The following PLEKHA1 variants were observed in gnomAD, a reference collection of about 807,000 sequenced individuals.
PLEKHA1 encodes pleckstrin homology domain containing A1.
PLEKHA1 carries 34 observed loss-of-function variants against 52.0 expected under a neutral mutation model. That is an observed-to-expected ratio of 0.65 (90% CI 0.50 to 0.87). PLEKHA1 has a LOEUF of 0.87. PLEKHA1 is among the 40% of genes least tolerant of loss of function. The pLI is 0.00. For missense variants in PLEKHA1, 497 were observed against 504.2 expected (o/e 0.99, Z 0.14); for synonymous variants, 163 against 170.7 (o/e 0.95, Z 0.35).
In PLEKHA1 at chr10:122,424,497, C is replaced by G. The variant is rs138445331; in HGVS notation, c.746+234C>G. 3.7e-3 allele frequency among the ~76,000 whole-genome samples: 563 copies of G among 152,066 alleles called. 4 individuals are homozygous for G. Among genetic ancestry groups the G allele is most frequent in the African/African-American group, 0.013 (520 of 41,506 alleles). On this transcript the variant is annotated intron_variant, in intron 9 of 11. Transcript: ENST00000368990. ...AATCGTTTATTTGTTTCTTTGAAAACTAAAAATACAGAAACAGCTTACTAA... is the reference window on the plus strand; with the variant it reads ...AATCGTTTATTTGTTTCTTTGAAAAGTAAAAATACAGAAACAGCTTACTAA...
intron 1 of PLEKHA1, among the ~76,000 whole-genome samples, chr10:122,388,671 A>G (rs984482277): frequency 6.6e-6 from 1 of 152,230 alleles, no homozygotes; most frequent in African/African-American, 2.4e-5. Flanking sequence ...TGTATATACT[A>G]TAATTTAAAA....
intron 9 of PLEKHA1, 74 bp downstream of exon 9, chr10:122,424,337 C>T: frequency 7.0e-6 from 10 of 1,437,052 alleles, no homozygotes; most frequent in Non-Finnish European, 9.4e-6. Flanking sequence ...GAGTAATGTA[C>T]TTACAGATTA....
At chr10:122,424,543 G>A (rs2097310186) in intron 9 of PLEKHA1, among the ~76,000 whole-genome samples, 1 of 152,170 alleles carries the variant, frequency 6.6e-6, no homozygotes, top group Non-Finnish European at 1.5e-5. Flanking sequence ...TAAATTTAAT[G>A]TGAACAACTT....
At chr10:122,413,076 G>T in intron 6 of PLEKHA1, 31 bp downstream of exon 6, 30 of 1,580,528 alleles carry the variant, frequency 1.9e-5, no homozygotes, top group Non-Finnish European at 2.4e-5. Context: ...TTGTGTGAGG[G>T]TCTAATTATT....
At chr10:122,434,251 A>T (rs2133803286), downstream of PLEKHA1, 1 of 152,330 alleles carries the variant, frequency 6.6e-6, no homozygotes, top group East Asian at 1.9e-4. Context: ...ATTCCTGGAC[A>T]CATTTTGTCC....
At chr10:122,418,126 A>G (rs988672907) in intron 8 of PLEKHA1, 158 bp downstream of exon 8, 3 of 503,660 alleles carry the variant, frequency 6.0e-6, no homozygotes, top group African/African-American at 2.0e-5. Context: ...TTGGTTAATG[A>G]TATTTTTCTT....
chr10:122,396,134 C>T (rs2096846650), intron 2 of PLEKHA1, among the ~76,000 whole-genome samples: 3 of 152,040 alleles, frequency 2.0e-5, no homozygotes, highest in African/African-American at 7.2e-5. Context: ...ATTACTGTGA[C>T]ACTTTATGTC....
intron 5 of PLEKHA1, among the ~76,000 whole-genome samples, chr10:122,409,400 T>C (rs1465821300): frequency 1.3e-5 from 2 of 152,206 alleles, no homozygotes; most frequent in Non-Finnish European, 2.9e-5. Context: ...AAAATCAAAT[T>C]TTAAAGTATG....
At chr10:122,381,617 C>T (rs1206328539) in intron 1 of PLEKHA1, among the ~76,000 whole-genome samples, 2 of 152,178 alleles carry the variant, frequency 1.3e-5, no homozygotes, top group Non-Finnish European at 2.9e-5. Flanking sequence ...CCTGTACAGA[C>T]TGTGGAACTG....
intron 8 of PLEKHA1, chr10:122,418,349 A>G (rs1590827984): frequency 6.0e-6 from 1 of 168,064 alleles, no homozygotes; most frequent in East Asian, 1.6e-4. Flanking sequence ...AGTGATTTAT[A>G]AAATCAGGAA....
intron 5 of PLEKHA1, among the ~76,000 whole-genome samples, chr10:122,411,459 GT>G (rs1421020881): frequency 6.6e-6 from 1 of 152,194 alleles, no homozygotes; most frequent in East Asian, 1.9e-4. Context: ...TATCTGCATT[GT>G]ATACCCTCTT....
the PLEKHA1 span, chr10:122,440,972 T>A: frequency 6.6e-6 from 1 of 152,184 alleles, no homozygotes; most frequent in Non-Finnish European, 1.5e-5. Context: ...GGGCCCCTCT[T>A]AAGTCTGCTG....
At chr10:122,375,232 C>G (rs2096511381) in intron 1 of PLEKHA1, among the ~76,000 whole-genome samples, 1 of 152,072 alleles carries the variant, frequency 6.6e-6, no homozygotes, top group Non-Finnish European at 1.5e-5. Context: ...CGCGCAGCTG[C>G]CCGGGGATTC....
At chr10:122,403,187 C>G (rs965080084) in intron 4 of PLEKHA1, among the ~76,000 whole-genome samples, 1 of 151,798 alleles carries the variant, frequency 6.6e-6, no homozygotes, top group African/African-American at 2.4e-5. Flanking sequence ...TTGAAAAAGT[C>G]AAAGAAATCT....
At chr10:122,379,695 C>T (rs541296253) in intron 1 of PLEKHA1, among the ~76,000 whole-genome samples, 1 of 152,294 alleles carries the variant, frequency 6.6e-6, no homozygotes, top group South Asian at 2.1e-4. Context: ...ATATTTGATC[C>T]TCTATGTCTA....
At chr10:122,435,941 C>G (rs748256715), downstream of PLEKHA1, 6 of 152,018 alleles carry the variant, frequency 3.9e-5, no homozygotes, top group Non-Finnish European at 8.8e-5. Context: ...TCAGTTTCCC[C>G]CCAACAGCAT....
rs779338010 is a variant in PLEKHA1 at position 122,424,177 on chromosome 10, T to C, written c.682-22T>C. The C allele has an allele frequency of 1.8e-3, 2,451 of 1,366,658 alleles. 1 individual carries two copies. Among genetic ancestry groups the C allele is most frequent in the East Asian group, 8.5e-3 (316 of 37,006 alleles). 84.7% of individuals were successfully genotyped at this position (1,366,658 alleles called of 1,614,324 possible). On this transcript the variant is annotated intron_variant, in intron 8 of 11. Coordinates refer to ENST00000368990, the MANE Select transcript of PLEKHA1 (RefSeq NM_001001974.4). ...GAATAAACATCATGTAACTGTTTTT[T>C]TTTTTTTTTTTTTTTTGCCAGGAAA...
chr10:122,438,883 C>T, the PLEKHA1 span: 1 of 150,838 alleles, frequency 6.6e-6, no homozygotes, highest in Non-Finnish European at 1.5e-5. Flanking sequence ...AAAAAAAAAT[C>T]GCAAAAAAAT....
In PLEKHA1 at chr10:122,417,961, C is replaced by A. The variant is rs748416070; in HGVS notation, c.674C>A (p.Ser225Tyr). The A allele has an allele frequency of 6.2e-7, 1 of 1,608,216 alleles. No individual in the cohort carries two copies. Among genetic ancestry groups the A allele is most frequent in the Non-Finnish European group, 8.5e-7 (1 of 1,175,056 alleles). Residue 225 changes from serine (S) to tyrosine (Y), a missense_variant, in exon 8 of 12, where the codon TCT becomes TAT. Physicochemically the swap from Ser to Tyr is moderately radical, Grantham distance 144. Coordinates refer to ENST00000368990, the MANE Select transcript of PLEKHA1 (RefSeq NM_001001974.4). Reference protein sequence around the residue: ...LDENTIGYFKSELEKEPLRVI... With the variant: ...LDENTIGYFKYELEKEPLRVI... ...GAAAACACAATAGGCTACTTCAAAT[C>A]TGAACTGGTATGTTGTTACGTCATA...
Sources: gnomAD v4.1 joint callset for allele counts (sites outside exome capture counted in the v4.1 genomes callset) on GRCh38, gnomAD v4.1.1 for gene constraint, MANE v1.5 for transcripts, NCBI Gene and HGNC (gene_info 2026-07-23, HGNC 2026-07-21) for gene names.